MYO9A: variants seen among roughly 807,000 people sequenced by gnomAD.
MYO9A encodes unconventional myosin-IXa.
Under a neutral mutation model 293.3 loss-of-function variants are expected in MYO9A, and 103 were observed. The observed-to-expected ratio is 0.35, with a 90% CI of 0.30 to 0.41. MYO9A has a LOEUF of 0.41. MYO9A is among the 10% of genes least tolerant of loss of function. MYO9A has a pLI of 1.00. For missense variants in MYO9A, 2,685 were observed against 3,033.0 expected, an observed-to-expected ratio of 0.89 and a Z score of 2.69; for synonymous variants, 1,001 against 1,035.7, an observed-to-expected ratio of 0.97 and a Z score of 0.64.
Position 72,118,126 on chromosome 15 carries a change from G to A in MYO9A, c.-518C>T, listed in dbSNP as rs2081074841. 2.6e-6 allele frequency: 1 copy of A among 383,328 alleles called. No individual in the cohort carries two copies. Among genetic ancestry groups the A allele is most frequent in the Non-Finnish European group, 4.6e-6 (1 of 216,586 alleles). The allele number at this position is 383,328 out of a possible 1,614,324, so 23.7% of individuals were successfully genotyped here. On this transcript the variant is annotated 5_prime_UTR_variant, in exon 1 of 42. Coordinates refer to ENST00000356056, the MANE Select transcript of MYO9A (RefSeq NM_006901.4). ...CGGCCCCGCCCCGCGCGACTCCCCG[G>A]CTGCAGGCGAGCAGGCGCGCGCGCA...
intron 1 of MYO9A, among the ~76,000 whole-genome samples, chr15:72,076,496 ATTTATAATATAC>A (rs1180756830): frequency 2.0e-5 from 3 of 152,190 alleles, no homozygotes; most frequent in Non-Finnish European, 4.4e-5. Context: ...TTTAAATACC[ATTTATAATATAC>A]TCAAAAAACA....
intron 34 of MYO9A, among the ~76,000 whole-genome samples, chr15:71,859,420 A>G (rs2056019070): frequency 6.6e-6 from 1 of 152,204 alleles, no homozygotes; most frequent in Non-Finnish European, 1.5e-5. Context: ...GATAATTCCT[A>G]GAAGATTTAT....
At position 72,063,132 on chromosome 15, in the gene MYO9A, G is replaced by T. The variant is rs1484252957; in HGVS notation, c.-71-16498C>A. ...AATTCATTTTTGACAAAGGTGCTAA[G>T]AACACACACTGGGGAAAAGACATTC... is the stretch of plus-strand genomic sequence containing the variant. On this transcript the variant is annotated intron_variant, in intron 1 of 41. Transcript: ENST00000356056. 3.3e-5 allele frequency among the ~76,000 whole-genome samples: 5 copies of T among 152,194 alleles called. No individual in the cohort carries two copies. In the East Asian group the frequency reaches 9.6e-4, roughly 29 times the overall value.
intron 4 of MYO9A, among the ~76,000 whole-genome samples, chr15:72,022,431 G>C (rs2077529105): frequency 6.6e-6 from 1 of 151,524 alleles, no homozygotes; most frequent in Non-Finnish European, 1.5e-5. Flanking sequence ...TGAGGCAGGA[G>C]AATCGCTTGA....
chr15:72,086,305 G>C (rs571824332), intron 1 of MYO9A, among the ~76,000 whole-genome samples: 4 of 152,270 alleles, frequency 2.6e-5, no homozygotes, highest in African/African-American at 9.6e-5. Flanking sequence ...GCTGGTAAGG[G>C]CAAATCTGTG....
At chr15:71,973,950 A>G (rs1191618124) in intron 12 of MYO9A, among the ~76,000 whole-genome samples, 1 of 152,158 alleles carries the variant, frequency 6.6e-6, no homozygotes, top group Non-Finnish European at 1.5e-5. Flanking sequence ...CAGTTTCCTT[A>G]GTGGGAAGAC....
chr15:71,989,981 A>T (rs796540656), intron 11 of MYO9A, among the ~76,000 whole-genome samples: 16 of 152,250 alleles, frequency 1.1e-4, no homozygotes, highest in African/African-American at 3.9e-4. Flanking sequence ...AGCCAAGATC[A>T]CGCCACTGTA....
intron 38 of MYO9A, 72 bp downstream of exon 38, chr15:71,849,964 G>T: frequency 9.3e-7 from 1 of 1,074,384 alleles, no homozygotes; most frequent in Non-Finnish European, 1.3e-6. Flanking sequence ...CACTATGTTT[G>T]ATATCTGGAT....
At chr15:71,881,122 G>A (rs113334280) in intron 28 of MYO9A, among the ~76,000 whole-genome samples, 56 of 151,916 alleles carry the variant, frequency 3.7e-4, no homozygotes, top group African/African-American at 1.3e-3. Flanking sequence ...GCTTACTTCT[G>A]CTTGGGTCTC....
chr15:72,028,374 G>A (rs186954218), intron 3 of MYO9A, among the ~76,000 whole-genome samples: 2 of 150,960 alleles, frequency 1.3e-5, no homozygotes, highest in Non-Finnish European at 1.5e-5. Context: ...CAGGCCAGGC[G>A]CAGTGGCTCA....
At chr15:71,994,378 A>C in intron 10 of MYO9A, 91 bp downstream of exon 10, 1 of 739,652 alleles carries the variant, frequency 1.4e-6, no homozygotes, top group Non-Finnish European at 2.2e-6. Flanking sequence ...TTATTACTCT[A>C]TATAATTCTG....
chr15:71,938,750 C>G (rs147643103), intron 16 of MYO9A, 102 bp downstream of exon 16: 1 of 977,328 alleles, frequency 1.0e-6, no homozygotes, highest in South Asian at 1.9e-5. Context: ...AAAAACAAAA[C>G]AAGCCTGAAT....
At chr15:72,086,807 G>C (rs2079750386) in intron 1 of MYO9A, among the ~76,000 whole-genome samples, 1 of 151,754 alleles carries the variant, frequency 6.6e-6, no homozygotes, top group Non-Finnish European at 1.5e-5. Flanking sequence ...CACTCTTGTT[G>C]CCCAGGCTGG....
chr15:71,964,647 C>T (rs951731448), intron 13 of MYO9A, among the ~76,000 whole-genome samples: 5 of 143,014 alleles, frequency 3.5e-5, no homozygotes, highest in Admixed American at 7.0e-5. Context: ...ATTAGCTGGG[C>T]GTGGTGGCAT....
intron 34 of MYO9A, among the ~76,000 whole-genome samples, chr15:71,856,638 ATCAG>A (rs2055877441): frequency 6.6e-6 from 1 of 152,242 alleles, no homozygotes; most frequent in Admixed American, 6.5e-5. Flanking sequence ...TAGCAGTATT[ATCAG>A]TATTATTTTG....
Position 71,898,024 on chromosome 15 carries a change from T to C in MYO9A, c.4479A>G (p.Leu1493=), listed in dbSNP as rs1236909999. 1.2e-6 allele frequency: 2 copies of C among 1,614,162 alleles called. No individual in the cohort carries two copies. Among genetic ancestry groups the C allele is most frequent in the Non-Finnish European group, 1.7e-6 (2 of 1,180,032 alleles). Residue 1493 remains leucine (L), a synonymous_variant, in exon 25 of 42, where the codon CTA becomes CTG. Transcript: ENST00000356056. ...TTTGCCTTTCTTCCTTCTCAGTGTT[T>C]AGCTTTTCTAACTTCTTAAGCACAG... ...SNPVLKKLEK[L]NTEKEERQKQ...
At chr15:71,976,511 T>G (rs894631246) in intron 12 of MYO9A, among the ~76,000 whole-genome samples, 1 of 152,170 alleles carries the variant, frequency 6.6e-6, no homozygotes, top group Non-Finnish European at 1.5e-5. Context: ...ACTATAAAAT[T>G]CCCCAAACAA....
intron 32 of MYO9A, among the ~76,000 whole-genome samples, chr15:71,871,141 G>C (rs2056498601): frequency 6.6e-6 from 1 of 152,184 alleles, no homozygotes; most frequent in Non-Finnish European, 1.5e-5. Context: ...CTGGGAGGCT[G>C]AGGCAGGAGA....
At chr15:72,016,742 G>A (rs533122744) in intron 6 of MYO9A, among the ~76,000 whole-genome samples, 3 of 152,168 alleles carry the variant, frequency 2.0e-5, no homozygotes, top group African/African-American at 4.8e-5. Flanking sequence ...CACAATAAAC[G>A]GATAATGGTG....
Sources: allele counts gnomAD v4.1 joint callset (sites outside exome capture counted in the v4.1 genomes callset), GRCh38; gene constraint gnomAD v4.1.1; transcripts MANE v1.5; gene names NCBI Gene and HGNC (gene_info 2026-07-23, HGNC 2026-07-21).